PITPNC1: variants seen among roughly 807,000 people sequenced by gnomAD.
PITPNC1 encodes the protein phosphatidylinositol transfer protein cytoplasmic 1, also known as cytoplasmic phosphatidylinositol transfer protein 1.
Under a neutral mutation model 44.7 loss-of-function variants are expected in PITPNC1, and 18 were observed. The ratio of observed to expected loss-of-function variants is 0.40; its 90% confidence interval spans 0.28 to 0.60. PITPNC1 has a LOEUF of 0.60. Among genes scored for constraint, PITPNC1 ranks in the 20% least tolerant of loss-of-function variants. The probability of loss-of-function intolerance (pLI) is 0.39; values close to 1 mark genes in which losing one functional copy is unlikely to be tolerated. For missense variants in PITPNC1, 290 were observed against 418.4 expected, an observed-to-expected ratio of 0.69 and a Z score of 2.68; for synonymous variants, 141 against 149.6, an observed-to-expected ratio of 0.94 and a Z score of 0.42.
chr17:67,645,307 T>A, intron 6 of PITPNC1, among the ~76,000 whole-genome samples: 1 of 149,832 alleles, frequency 6.7e-6, no homozygotes, highest in East Asian at 2.0e-4. Flanking sequence ...CGCCATTGCA[T>A]TCCAGCCTGG....
chr17:67,542,149 T>C (rs528707911), intron 2 of PITPNC1, among the ~76,000 whole-genome samples: 4 of 152,172 alleles, frequency 2.6e-5, no homozygotes, highest in Non-Finnish European at 5.9e-5. Context: ...ATGTAACCAA[T>C]GAGGCACAAG....
intron 5 of PITPNC1, among the ~76,000 whole-genome samples, chr17:67,617,172 C>T (rs901787757): frequency 6.6e-6 from 1 of 152,174 alleles, no homozygotes; most frequent in Non-Finnish European, 1.5e-5. Flanking sequence ...GCTACAGGGA[C>T]GGTCTTAATC....
At chr17:67,395,611 C>T (rs2038207811) in intron 1 of PITPNC1, among the ~76,000 whole-genome samples, 1 of 152,170 alleles carries the variant, frequency 6.6e-6, no homozygotes, top group Admixed American at 6.5e-5. Context: ...AAAATAATAA[C>T]AGTGATGCTG....
At chr17:67,612,399 C>T (rs1192544330) in intron 5 of PITPNC1, 2 of 152,238 alleles carry the variant, frequency 1.3e-5, no homozygotes, top group African/African-American at 4.8e-5. Flanking sequence ...TGCAAAGCAC[C>T]TTCATACCCA....
intron 8 of PITPNC1, among the ~76,000 whole-genome samples, chr17:67,677,420 G>A (rs937569838): frequency 2.6e-5 from 4 of 151,980 alleles, no homozygotes; most frequent in African/African-American, 9.7e-5. Context: ...TGATCAAGAG[G>A]ACAGAATAAT....
At chr17:67,571,345 T>C (rs1343629415) in intron 4 of PITPNC1, among the ~76,000 whole-genome samples, 2 of 152,126 alleles carry the variant, frequency 1.3e-5, no homozygotes, top group African/African-American at 4.8e-5. Flanking sequence ...GGCGGGAGGA[T>C]TGCTTAAGCC....
chr17:67,648,625 TG>T (rs2042177059), intron 6 of PITPNC1, among the ~76,000 whole-genome samples: 1 of 152,194 alleles, frequency 6.6e-6, no homozygotes, highest in Admixed American at 6.5e-5. Flanking sequence ...GGCCCAAAGC[TG>T]GGGACAAAGA....
chr17:67,600,768 G>A (rs902223794), intron 5 of PITPNC1, among the ~76,000 whole-genome samples: 5 of 151,076 alleles, frequency 3.3e-5, no homozygotes, highest in South Asian at 2.1e-4. Context: ...AAGTAATTGC[G>A]ATTTTTGCCA....
rs541519890 is a variant in PITPNC1, at chr17:67,535,824, TC to T, written c.197+2875del. Among the ~76,000 whole-genome samples, 715 of 152,132 alleles carry T rather than the reference TC, an allele frequency of 4.7e-3. 5 individuals are homozygous for T. Among genetic ancestry groups the T allele is most frequent in the African/African-American group, 0.016 (671 of 41,484 alleles). ...GACCCGTTAATGCTAAGGAAGGGCA[TC>T]GGGGGGACATCAGAACAGAGTGTGG... On this transcript the variant is annotated intron_variant, in intron 2 of 8. Transcript: ENST00000581322.
intron 5 of PITPNC1, among the ~76,000 whole-genome samples, chr17:67,599,021 TATATATATATA>T (rs1421258646): frequency 0.024 from 959 of 40,310 alleles, 16 homozygotes; most frequent in African/African-American, 0.089. Context: ...TATATATATA[TATATATATATA>T]TATTTTTTTT....
At chr17:67,406,542 T>TTA (rs2038403766) in intron 1 of PITPNC1, among the ~76,000 whole-genome samples, 1 of 151,986 alleles carries the variant, frequency 6.6e-6, no homozygotes, top group South Asian at 2.1e-4. Context: ...CATGAAGCAG[T>TTA]AAGTACTTCA....
chr17:67,485,093 G>T (rs2039758801), intron 1 of PITPNC1, among the ~76,000 whole-genome samples: 1 of 152,178 alleles, frequency 6.6e-6, no homozygotes, highest in Non-Finnish European at 1.5e-5. Flanking sequence ...TTGGTAAGGA[G>T]TGGTAGAGCC....
intron 2 of PITPNC1, among the ~76,000 whole-genome samples, chr17:67,533,540 C>T (rs1159835912): frequency 1.3e-5 from 2 of 152,186 alleles, no homozygotes; most frequent in East Asian, 1.9e-4. Flanking sequence ...TGTCTCATCC[C>T]TTGGTTCAGT....
intron 2 of PITPNC1, among the ~76,000 whole-genome samples, chr17:67,541,469 AC>A (rs2040607108): frequency 0.031 from 60 of 1,958 alleles, no homozygotes; most frequent in African/African-American, 0.074. Flanking sequence ...AATTATACAT[AC>A]ACACACACAC....
At chr17:67,378,868 G>A in intron 1 of PITPNC1, 1 of 486,760 alleles carries the variant, frequency 2.1e-6, no homozygotes, top group Non-Finnish European at 2.7e-6. Flanking sequence ...CGAGCCGGGA[G>A]CGGCGGGGGC....
chr17:67,549,363 G>A (rs921524974), intron 2 of PITPNC1, among the ~76,000 whole-genome samples: 1 of 152,300 alleles, frequency 6.6e-6, no homozygotes, highest in South Asian at 2.1e-4. Context: ...GGGATAGAGC[G>A]AGACGTCTCC....
At chr17:67,432,814 G>T (rs985884912) in intron 1 of PITPNC1, among the ~76,000 whole-genome samples, 2 of 146,578 alleles carry the variant, frequency 1.4e-5, no homozygotes, top group African/African-American at 5.1e-5. Flanking sequence ...TAGATTTCAG[G>T]TGTATGTGAC....
At chr17:67,441,886 ATTAG>A (rs1317716081) in intron 1 of PITPNC1, among the ~76,000 whole-genome samples, 1 of 152,052 alleles carries the variant, frequency 6.6e-6, no homozygotes, top group Non-Finnish European at 1.5e-5. Flanking sequence ...TTTCCACTTA[ATTAG>A]TTAACAGGAA....
intron 5 of PITPNC1, among the ~76,000 whole-genome samples, chr17:67,607,807 C>T (rs2041628602): frequency 6.6e-6 from 1 of 151,276 alleles, no homozygotes; most frequent in South Asian, 2.1e-4. Flanking sequence ...CGGCTCACTG[C>T]AACCTCTGCC....
Sources: allele counts gnomAD v4.1 joint callset (sites outside exome capture counted in the v4.1 genomes callset), GRCh38; gene constraint gnomAD v4.1.1; transcripts MANE v1.5; gene names NCBI Gene and HGNC (gene_info 2026-07-23, HGNC 2026-07-21).